CADPS: variants seen among roughly 807,000 people sequenced by gnomAD.
CADPS encodes calcium dependent secretion activator.
In CADPS, 57 loss-of-function variants were observed where a neutral mutation model predicts 167.3. The ratio of observed to expected loss-of-function variants is 0.34; its 90% CI spans 0.28 to 0.42. The LOEUF (loss-of-function observed/expected upper bound fraction) is 0.42, where lower values mean the gene tolerates loss of function less well. CADPS is among the 20% of genes least tolerant of loss of function. The pLI, the probability that CADPS is intolerant of heterozygous loss-of-function variation, is 1.00. For missense variants in CADPS, 1,414 were observed against 1,738.1 expected (o/e 0.81, Z 3.32); for synonymous variants, 676 against 635.3 (o/e 1.06, Z -0.96).
chr3:62,646,683 G>C (rs980776240), intron 5 of CADPS, among the ~76,000 whole-genome samples: 1 of 152,190 alleles, frequency 6.6e-6, no homozygotes, highest in Non-Finnish European at 1.5e-5. Context: ...CTTCTGAAGG[G>C]AGCAGCTGCC....
chr3:62,554,202 C>T (rs2152304328), intron 10 of CADPS, among the ~76,000 whole-genome samples: 1 of 152,300 alleles, frequency 6.6e-6, no homozygotes, highest in South Asian at 2.1e-4. Flanking sequence ...ACTTTCCAAA[C>T]CATACACAGG....
rs114432554 is a variant in CADPS at position 62,455,102 on chromosome 3, A to C, written c.3637-9305T>G. 0.013 allele frequency among the ~76,000 whole-genome samples: 1,911 copies of C among 151,472 alleles called. 20 individuals are homozygous for C. Among genetic ancestry groups the C allele is most frequent in the Non-Finnish European group, 0.018 (1,241 of 67,854 alleles). On this transcript the variant is annotated intron_variant, in intron 26 of 29. Coordinates refer to ENST00000383710, the MANE Select transcript of CADPS (RefSeq NM_003716.4). The surrounding 1 kb of genome is among the most constrained non-coding windows in gnomAD (Gnocchi z 4.4). Reference sequence around the variant, plus strand: ...GGTACTGTGCTCCGAGACTAGATCCAGGAAGTGTATGTTCTCATCTCCCCC... The same window carrying C: ...GGTACTGTGCTCCGAGACTAGATCCCGGAAGTGTATGTTCTCATCTCCCCC...
intron 27 of CADPS, chr3:62,440,991 C>A (rs1026853949): frequency 6.6e-6 from 1 of 152,160 alleles, no homozygotes; most frequent in African/African-American, 2.4e-5. Context: ...AGTCAGTACC[C>A]TGTTTAAAAA....
At chr3:62,603,242 C>CCA (rs2149125097) in intron 6 of CADPS, among the ~76,000 whole-genome samples, 1 of 152,300 alleles carries the variant, frequency 6.6e-6, no homozygotes, top group African/African-American at 2.4e-5. Flanking sequence ...CTGAGTTCCT[C>CCA]CACACACACA....
At chr3:62,742,337 G>A (rs1035044114) in intron 3 of CADPS, among the ~76,000 whole-genome samples, 1 of 152,010 alleles carries the variant, frequency 6.6e-6, no homozygotes, top group African/African-American at 2.4e-5. Context: ...ACCAAAAAAA[G>A]AACAAAGCTG....
chr3:62,612,190 T>A (rs1033478078), intron 6 of CADPS, among the ~76,000 whole-genome samples: 1 of 152,232 alleles, frequency 6.6e-6, no homozygotes, highest in East Asian at 1.9e-4. Flanking sequence ...TATATAACTA[T>A]GAGAAGCTAC....
intron 3 of CADPS, among the ~76,000 whole-genome samples, chr3:62,710,577 C>T (rs187888317): frequency 1.6e-3 from 244 of 152,192 alleles, no homozygotes; most frequent in African/African-American, 5.3e-3. Context: ...AGAAGGCCCC[C>T]TCATGCCTCT....
intron 26 of CADPS, among the ~76,000 whole-genome samples, chr3:62,457,417 A>T (rs935481093): frequency 3.3e-5 from 5 of 152,358 alleles, no homozygotes; most frequent in African/African-American, 1.2e-4. Context: ...AATTCTAGTT[A>T]AGCAAACATT....
In CADPS at chr3:62,602,940, C is replaced by T. The variant is rs540283925; in HGVS notation, c.1326-10192G>A. Among the ~76,000 whole-genome samples, 5 of 152,234 alleles carry T rather than the reference C, an allele frequency of 3.3e-5. No individual in the cohort carries two copies. Among genetic ancestry groups the T allele is most frequent in the East Asian group, 3.9e-4 (2 of 5,186 alleles). ...GTCACCGGATCTTTCAAATCCCCTACGTATATCACAAATCTGATTTTTGCT... is the reference window on the plus strand; with the variant it reads ...GTCACCGGATCTTTCAAATCCCCTATGTATATCACAAATCTGATTTTTGCT... On this transcript the variant is annotated intron_variant, in intron 6 of 29. Coordinates refer to ENST00000383710, the MANE Select transcript of CADPS (RefSeq NM_003716.4). The surrounding 1 kb of genome is among the most constrained non-coding windows in gnomAD (Gnocchi z 4.4).
At position 62,830,097 on chromosome 3, in the gene CADPS, A is replaced by C. The variant is rs574263760; in HGVS notation, c.441+44492T>G. On this transcript the variant is annotated intron_variant, in intron 1 of 29. Coordinates refer to ENST00000383710, the MANE Select transcript of CADPS (RefSeq NM_003716.4). ...CCATCCTGTGCTTAGCTCTATGAAG[A>C]CTCCTATCACCTCATTTTGAAATTG... is the stretch of plus-strand genomic sequence containing the variant. 2.0e-5 allele frequency among the ~76,000 whole-genome samples: 3 copies of C among 151,914 alleles called. No homozygotes were observed. The South Asian group carries it at 6.2e-4, about 32-fold the overall frequency.
At chr3:62,429,331 A>T (rs1298092127) in intron 28 of CADPS, among the ~76,000 whole-genome samples, 1 of 152,190 alleles carries the variant, frequency 6.6e-6, no homozygotes, top group Non-Finnish European at 1.5e-5. Context: ...TATCTCTTAC[A>T]AACTTCCAGA....
intron 3 of CADPS, among the ~76,000 whole-genome samples, chr3:62,709,778 T>A (rs146256516): frequency 0.023 from 3,428 of 152,108 alleles, 89 homozygotes; most frequent in Admixed American, 0.078. Context: ...ATGTATTTAT[T>A]ATTTTTTTTG....
intron 3 of CADPS, among the ~76,000 whole-genome samples, chr3:62,680,603 C>A (rs1390316928): frequency 6.6e-6 from 1 of 152,042 alleles, no homozygotes; most frequent in Non-Finnish European, 1.5e-5. Context: ...CATGTCTCCC[C>A]TGGACTGCTG....
Position 62,490,884 on chromosome 3 carries a change from G to T in CADPS, c.3026+455C>A, listed in dbSNP as rs78902257. On this transcript the variant is annotated intron_variant, in intron 21 of 29. Transcript: ENST00000383710. ...ACTGCTTTCATGCTACAATGACAGAGTTGAGTTGTGACAGAGATTATGTGG... is the reference window on the plus strand; with the variant it reads ...ACTGCTTTCATGCTACAATGACAGATTTGAGTTGTGACAGAGATTATGTGG... 6.9e-3 allele frequency among the ~76,000 whole-genome samples: 1,049 copies of T among 152,290 alleles called. 4 individuals are homozygous for T. Among genetic ancestry groups the T allele is most frequent in the Non-Finnish European group, 9.9e-3 (673 of 68,018 alleles).
chr3:62,535,261 A>G (rs2074455140), intron 12 of CADPS, among the ~76,000 whole-genome samples: 1 of 147,220 alleles, frequency 6.8e-6, no homozygotes, highest in African/African-American at 2.5e-5. Flanking sequence ...AGTCAAAGTG[A>G]TGTGTTCCTT....
chr3:62,787,624 T>C (rs1004187679), intron 1 of CADPS, among the ~76,000 whole-genome samples: 6 of 152,136 alleles, frequency 3.9e-5, no homozygotes, highest in African/African-American at 1.4e-4. Flanking sequence ...GTTTTACTGA[T>C]AGGATGTGTG....
chr3:62,843,839 TAAA>T (rs553066695), intron 1 of CADPS, among the ~76,000 whole-genome samples: 1 of 145,658 alleles, frequency 6.9e-6, no homozygotes, highest in East Asian at 2.0e-4. Flanking sequence ...TTTGCCAGCT[TAAA>T]AAAAAAAATC....
intron 9 of CADPS, among the ~76,000 whole-genome samples, chr3:62,569,242 A>C (rs2080850450): frequency 6.6e-6 from 1 of 152,134 alleles, no homozygotes; most frequent in Non-Finnish European, 1.5e-5. Flanking sequence ...CTGAGATTAC[A>C]AGCATGCACC....
chr3:62,638,051 T>C (rs2066651984), intron 6 of CADPS, among the ~76,000 whole-genome samples: 1 of 149,242 alleles, frequency 6.7e-6, no homozygotes, highest in African/African-American at 2.5e-5. Context: ...ATAGGACTAC[T>C]ATCTGCCCAA....
Sources: allele counts gnomAD v4.1 joint callset (sites outside exome capture counted in the v4.1 genomes callset), GRCh38; gene constraint gnomAD v4.1.1; non-coding constraint Gnocchi (gnomAD v3.1); transcripts MANE v1.5; gene names NCBI Gene and HGNC (gene_info 2026-07-23, HGNC 2026-07-21).